STXBP5L: variants seen among roughly 807,000 people sequenced by gnomAD.
The protein encoded by STXBP5L is syntaxin-binding protein 5-like.
A neutral mutation model predicts 144.5 loss-of-function variants in STXBP5L; 65 were observed. The ratio of observed to expected loss-of-function variants is 0.45; its 90% CI spans 0.37 to 0.55. The LOEUF (loss-of-function observed/expected upper bound fraction) is 0.55, where lower values mean the gene tolerates loss of function less well. Among genes scored for constraint, STXBP5L ranks in the 20% least tolerant of loss-of-function variants. The probability of loss-of-function intolerance (pLI) is 0.00; values close to 1 mark genes in which losing one functional copy is unlikely to be tolerated. For synonymous variants in STXBP5L, 505 were observed against 469.6 expected (o/e 1.08, Z -0.97); for missense variants, 1,298 against 1,405.5 (o/e 0.92, Z 1.22).
At chr3:121,093,095 A>G (rs2042906521) in intron 5 of STXBP5L, among the ~76,000 whole-genome samples, 1 of 152,190 alleles carries the variant, frequency 6.6e-6, no homozygotes, top group African/African-American at 2.4e-5. Context: ...CATATATCGA[A>G]CCAGCCTTGC....
At chr3:121,343,379 T>A (rs1315514032) in intron 20 of STXBP5L, among the ~76,000 whole-genome samples, 1 of 152,146 alleles carries the variant, frequency 6.6e-6, no homozygotes, top group Admixed American at 6.6e-5. Context: ...TTCAACATAG[T>A]GTTGGAAGTT....
chr3:121,055,169 A>C (rs1948363126), intron 5 of STXBP5L, among the ~76,000 whole-genome samples: 1 of 152,216 alleles, frequency 6.6e-6, no homozygotes. Flanking sequence ...AGATACATAC[A>C]TATTGTCATG....
At chr3:121,148,119 C>T (rs1222496017) in intron 7 of STXBP5L, among the ~76,000 whole-genome samples, 1 of 152,092 alleles carries the variant, frequency 6.6e-6, no homozygotes, top group Non-Finnish European at 1.5e-5. Context: ...CATAGAAAAA[C>T]ATCTCTTGGT....
At chr3:121,311,216 C>G (rs1162472607) in intron 19 of STXBP5L, among the ~76,000 whole-genome samples, 1 of 152,056 alleles carries the variant, frequency 6.6e-6, no homozygotes, top group Non-Finnish European at 1.5e-5. Context: ...AGACTATTAC[C>G]TAGTGTTGGT....
chr3:121,316,100 G>A (rs1394157590), intron 19 of STXBP5L, among the ~76,000 whole-genome samples: 1 of 151,884 alleles, frequency 6.6e-6, no homozygotes, highest in Non-Finnish European at 1.5e-5. Flanking sequence ...TTTCTAGAGG[G>A]ACAAAACTTT....
At chr3:121,263,904 G>T (rs1424278769) in intron 18 of STXBP5L, among the ~76,000 whole-genome samples, 3 of 152,172 alleles carry the variant, frequency 2.0e-5, no homozygotes, top group Non-Finnish European at 4.4e-5. Context: ...ATATTATCCA[G>T]GAGAACTTCC....
At chr3:120,929,761 C>T (rs1000505706) in intron 2 of STXBP5L, among the ~76,000 whole-genome samples, 17 of 151,980 alleles carry the variant, frequency 1.1e-4, no homozygotes, top group African/African-American at 2.9e-4. Flanking sequence ...TACCAGCTTT[C>T]GATATTTAGA....
chr3:120,973,408 C>A (rs977936418), intron 3 of STXBP5L, among the ~76,000 whole-genome samples: 3 of 151,748 alleles, frequency 2.0e-5, no homozygotes, highest in African/African-American at 7.3e-5. Context: ...TCTATAATGT[C>A]AGTTGTAATG....
chr3:121,312,782 G>A (rs2108515087), intron 19 of STXBP5L, among the ~76,000 whole-genome samples: 1 of 152,068 alleles, frequency 6.6e-6, no homozygotes, highest in East Asian at 1.9e-4. Context: ...TGGGGATAAG[G>A]TCACAGATCA....
intron 2 of STXBP5L, among the ~76,000 whole-genome samples, chr3:120,932,336 C>T (rs1005805635): frequency 1.3e-5 from 2 of 152,112 alleles, no homozygotes; most frequent in South Asian, 2.1e-4. Flanking sequence ...CATTTCTTTC[C>T]CTCTCCACTT....
intron 5 of STXBP5L, among the ~76,000 whole-genome samples, chr3:121,094,552 T>C (rs772167918): frequency 3.3e-5 from 5 of 152,038 alleles, no homozygotes; most frequent in Non-Finnish European, 7.4e-5. Context: ...CTTTTGATCT[T>C]TGTTGGTTTA....
chr3:121,015,896 A>G (rs1945111615), intron 3 of STXBP5L, among the ~76,000 whole-genome samples: 1 of 152,126 alleles, frequency 6.6e-6, no homozygotes, highest in South Asian at 2.1e-4. Context: ...GACCCATTAT[A>G]TCAAGACTGA....
chr3:121,261,056 C>T (rs1166907988), intron 18 of STXBP5L, among the ~76,000 whole-genome samples: 2 of 152,122 alleles, frequency 1.3e-5, no homozygotes, highest in East Asian at 1.9e-4. Flanking sequence ...TGAGCTCAAG[C>T]CATCTTCTGA....
chr3:121,039,908 A>G (rs1436780516), intron 3 of STXBP5L, among the ~76,000 whole-genome samples: 1 of 151,936 alleles, frequency 6.6e-6, no homozygotes, highest in East Asian at 1.9e-4. Context: ...CTAATCCTCA[A>G]TGAATTTTTT....
At position 121,423,012 on chromosome 3, in the gene STXBP5L, G is replaced by A. The variant is rs1323736437; in HGVS notation, c.*3915G>A. ...GGAAAAATGAAGCCAATCTAGAAAA[G>A]TAAGCTAAAAATCCTCTCCTTGGCT... On this transcript the variant is annotated 3_prime_UTR_variant, in exon 27 of 27. Transcript: ENST00000471454. 1 of 152,066 alleles carries A rather than the reference G, an allele frequency of 6.6e-6. No individual in the cohort carries two copies. The highest frequency in any genetic ancestry group is 2.4e-5 in the African/African-American group (1 of 41,416). 9.4% of individuals were successfully genotyped at this position (152,066 alleles called of 1,614,324 possible). A position where few individuals can be genotyped will look rare whatever the true frequency, so the allele number is the denominator to read the frequency against.
chr3:121,296,409 T>G (rs2051650573), intron 19 of STXBP5L, among the ~76,000 whole-genome samples: 1 of 152,184 alleles, frequency 6.6e-6, no homozygotes, highest in Non-Finnish European at 1.5e-5. Context: ...CAAATATAAG[T>G]GAAAGAGGGG....
chr3:121,042,602 T>G (rs1318492649), intron 4 of STXBP5L, among the ~76,000 whole-genome samples: 2 of 152,182 alleles, frequency 1.3e-5, no homozygotes, highest in Non-Finnish European at 2.9e-5. Flanking sequence ...ATTCAGTGTC[T>G]GCATATATTT....
intron 19 of STXBP5L, among the ~76,000 whole-genome samples, chr3:121,307,932 G>A (rs575615843): frequency 2.0e-5 from 3 of 152,094 alleles, no homozygotes; most frequent in Non-Finnish European, 4.4e-5. Flanking sequence ...AATCTTGAAA[G>A]CAATAAGAGA....
At chr3:121,047,168 A>T (rs539792609) in intron 5 of STXBP5L, among the ~76,000 whole-genome samples, 1 of 151,562 alleles carries the variant, frequency 6.6e-6, no homozygotes, top group South Asian at 2.1e-4. Flanking sequence ...GTTTTGAGCG[A>T]TTTTCTTAGT....
Sources: gnomAD v4.1 joint callset for allele counts (sites outside exome capture counted in the v4.1 genomes callset) on GRCh38, gnomAD v4.1.1 for gene constraint, MANE v1.5 for transcripts, NCBI Gene and HGNC (gene_info 2026-07-23, HGNC 2026-07-21) for gene names.